Variants in PLPPR1 observed in about 807,000 individuals in gnomAD.
The protein encoded by PLPPR1 is phospholipid phosphatase related 1, also known as phospholipid phosphatase-related protein type 1.
PLPPR1 carries 10 observed loss-of-function variants against 33.1 expected under a neutral mutation model. That is an observed-to-expected ratio of 0.30 (90% CI 0.19 to 0.51). PLPPR1 has a LOEUF of 0.51. PLPPR1 is among the 20% of genes least tolerant of loss of function. The pLI, the probability that PLPPR1 is intolerant of heterozygous loss-of-function variation, is 0.97. For synonymous variants in PLPPR1, 151 were observed against 151.0 expected, an observed-to-expected ratio of 1.00 and a Z score of 0.00; for missense variants, 304 against 408.1, an observed-to-expected ratio of 0.74 and a Z score of 2.20.
At chr9:101,066,581 A>G (rs1830417776) in intron 1 of PLPPR1, among the ~76,000 whole-genome samples, 1 of 151,980 alleles carries the variant, frequency 6.6e-6, no homozygotes, top group African/African-American at 2.4e-5. Flanking sequence ...GATGCTTATT[A>G]TATACTTTAG....
At position 101,109,219 on chromosome 9, in the gene PLPPR1, C is replaced by T. The variant is rs376803612; in HGVS notation, c.-45-76231C>T. On this transcript the variant is annotated intron_variant, in intron 1 of 7. Transcript: ENST00000374874. The stretch of plus-strand genomic sequence containing the variant: ...TCTATCTCCTGACGTCACGATCCGC[C>T]GGCCTCGGCCTCCCAAAGTGCTGGG... Among the ~76,000 whole-genome samples the T allele has an allele frequency of 9.3e-4, 140 of 150,546 alleles. 1 individual carries two copies. Among genetic ancestry groups the T allele is most frequent in the African/African-American group, 2.8e-3 (116 of 40,904 alleles).
chr9:101,153,853 G>T (rs1395696481), intron 1 of PLPPR1, among the ~76,000 whole-genome samples: 1 of 152,002 alleles, frequency 6.6e-6, no homozygotes, highest in Non-Finnish European at 1.5e-5. Flanking sequence ...AAAGTGCTGG[G>T]ACTACAGGCG....
intron 1 of PLPPR1, chr9:101,131,375 G>A (rs1831312159): frequency 6.6e-6 from 1 of 152,218 alleles, no homozygotes; most frequent in African/African-American, 2.4e-5. Context: ...AAGTAGTGAA[G>A]ACAGGTGCCA....
At chr9:101,038,918 T>C (rs1481410801) in intron 1 of PLPPR1, among the ~76,000 whole-genome samples, 1 of 152,106 alleles carries the variant, frequency 6.6e-6, no homozygotes, top group Non-Finnish European at 1.5e-5. Context: ...TCAGCTGTAA[T>C]ATTGAGATCA....
intron 1 of PLPPR1, among the ~76,000 whole-genome samples, chr9:101,071,605 GGAGAGAGAGA>G (rs3080736): frequency 6.7e-6 from 1 of 149,016 alleles, no homozygotes; most frequent in Non-Finnish European, 1.5e-5. Context: ...GGAGTGAGAA[GGAGAGAGAGA>G]GAGAGAGAGA....
chr9:101,243,456 T>C (rs940039721), intron 2 of PLPPR1, among the ~76,000 whole-genome samples: 1 of 151,908 alleles, frequency 6.6e-6, no homozygotes, highest in Non-Finnish European at 1.5e-5. Context: ...ATTAAGAATA[T>C]TAAATTGATC....
At chr9:101,123,462 T>C (rs1831201023) in intron 1 of PLPPR1, among the ~76,000 whole-genome samples, 1 of 151,944 alleles carries the variant, frequency 6.6e-6, no homozygotes, top group Non-Finnish European at 1.5e-5. Context: ...CAACACCAGG[T>C]CGTGGGGGTG....
At chr9:101,132,982 A>G in intron 1 of PLPPR1, among the ~76,000 whole-genome samples, 1 of 152,216 alleles carries the variant, frequency 6.6e-6, no homozygotes, top group East Asian at 1.9e-4. Context: ...AAATTTAGCC[A>G]CCAGATTCAA....
chr9:101,291,783 C>A (rs1828514506), intron 4 of PLPPR1, among the ~76,000 whole-genome samples: 2 of 152,124 alleles, frequency 1.3e-5, no homozygotes, highest in African/African-American at 4.8e-5. Flanking sequence ...CACCAAAAAC[C>A]CATCTGTACA....
In PLPPR1 at chr9:101,294,502, A is replaced by T. The variant is rs1373524058; in HGVS notation, c.385+8266A>T. Among the ~76,000 whole-genome samples the T allele has an allele frequency of 2.6e-5, 4 of 152,174 alleles. No individual in the cohort carries two copies. The East Asian group carries it at 7.7e-4, about 29-fold the overall frequency. ...AAGCCTGGCACAGACACAACAAAAAAAGAGAATTTTAGACCAATATCCTTG... is the reference window on the plus strand; with the variant it reads ...AAGCCTGGCACAGACACAACAAAAATAGAGAATTTTAGACCAATATCCTTG... On this transcript the variant is annotated intron_variant, in intron 4 of 7. Coordinates refer to ENST00000374874, the MANE Select transcript of PLPPR1 (RefSeq NM_207299.2).
chr9:101,258,843 A>G (rs749653948), intron 2 of PLPPR1, among the ~76,000 whole-genome samples: 23 of 152,084 alleles, frequency 1.5e-4, no homozygotes, highest in African/African-American at 4.6e-4. Context: ...GTAGGATTTT[A>G]TATTTATCCC....
At chr9:101,045,702 T>TCC (rs1209933178) in intron 1 of PLPPR1, among the ~76,000 whole-genome samples, 4 of 152,208 alleles carry the variant, frequency 2.6e-5, no homozygotes, top group Non-Finnish European at 5.9e-5. Flanking sequence ...GGACATAGTA[T>TCC]AGGATAATAG....
intron 6 of PLPPR1, among the ~76,000 whole-genome samples, chr9:101,315,284 A>G (rs988860765): frequency 2.5e-4 from 38 of 152,154 alleles, no homozygotes; most frequent in Non-Finnish European, 7.4e-5. Flanking sequence ...TTTAAGAAGG[A>G]AAGAAAACAG....
intron 1 of PLPPR1, among the ~76,000 whole-genome samples, chr9:101,164,285 T>C (rs1320824588): frequency 2.6e-5 from 4 of 152,142 alleles, no homozygotes; most frequent in Non-Finnish European, 5.9e-5. Context: ...ATGCAGTTTA[T>C]AATTGGATCT....
chr9:101,178,402 G>C (rs1826049770), intron 1 of PLPPR1, among the ~76,000 whole-genome samples: 2 of 152,206 alleles, frequency 1.3e-5, no homozygotes, highest in Non-Finnish European at 2.9e-5. Flanking sequence ...ATCATGGAAA[G>C]AGCAGAGGTT....
At chr9:101,151,604 A>G (rs536341355) in intron 1 of PLPPR1, among the ~76,000 whole-genome samples, 3 of 152,178 alleles carry the variant, frequency 2.0e-5, no homozygotes, top group Non-Finnish European at 4.4e-5. Flanking sequence ...GCATGTACCA[A>G]TGAAGCCTCC....
chr9:101,312,624 C>T (rs1352538439), intron 5 of PLPPR1, among the ~76,000 whole-genome samples, 174 bp from the exon 6 acceptor site: 3 of 152,046 alleles, frequency 2.0e-5, no homozygotes, highest in Non-Finnish European at 4.4e-5. Context: ...TGATTTCCTA[C>T]CTAAATAATT....
intron 2 of PLPPR1, among the ~76,000 whole-genome samples, chr9:101,236,417 A>G (rs905259954): frequency 2.0e-5 from 3 of 151,642 alleles, no homozygotes; most frequent in Non-Finnish European, 3.0e-5. Context: ...AGGAAAAGTA[A>G]TAACTATCAG....
chr9:101,190,270 T>C (rs979277256), intron 2 of PLPPR1, among the ~76,000 whole-genome samples: 1 of 152,178 alleles, frequency 6.6e-6, no homozygotes, highest in African/African-American at 2.4e-5. Context: ...TTTCATGCCA[T>C]TTTTGTTTCA....
Sources: allele counts gnomAD v4.1 joint callset (sites outside exome capture counted in the v4.1 genomes callset), GRCh38; gene constraint gnomAD v4.1.1; transcripts MANE v1.5; gene names NCBI Gene and HGNC (gene_info 2026-07-23, HGNC 2026-07-21).